The following VGLL3 variants were observed in gnomAD, a reference collection of about 807,000 sequenced individuals.
The protein encoded by VGLL3 is vestigial like family member 3, also known as transcription cofactor vestigial-like protein 3.
In VGLL3, 18 loss-of-function variants were observed where a neutral mutation model predicts 29.2. The observed-to-expected ratio is 0.62, with a 90% CI of 0.43 to 0.91. The LOEUF is 0.91. VGLL3 is among the 40% of genes least tolerant of loss of function. The pLI, the probability that VGLL3 is intolerant of heterozygous loss-of-function variation, is 0.00. For missense variants in VGLL3, 440 were observed against 413.2 expected, an observed-to-expected ratio of 1.06 and a Z score of -0.56; for synonymous variants, 180 against 151.8, an observed-to-expected ratio of 1.19 and a Z score of -1.36.
chr3:86,976,051 T>C (rs1575875557), intron 2 of VGLL3, among the ~76,000 whole-genome samples: 1 of 151,774 alleles, frequency 6.6e-6, no homozygotes, highest in African/African-American at 2.4e-5. Context: ...GAGGCGGAGG[T>C]TGCAGTGAGC....
chr3:86,972,876 A>G (rs1312448427), intron 2 of VGLL3, among the ~76,000 whole-genome samples: 2 of 152,040 alleles, frequency 1.3e-5, no homozygotes, highest in Non-Finnish European at 2.9e-5. Context: ...TATTACTCAC[A>G]CATACATACA....
At chr3:86,953,725 C>T (rs1419769061) in intron 3 of VGLL3, among the ~76,000 whole-genome samples, 4 of 151,904 alleles carry the variant, frequency 2.6e-5, no homozygotes, top group African/African-American at 9.7e-5. Flanking sequence ...TAACTCTGGC[C>T]ACATGTTTAT....
intron 3 of VGLL3, chr3:86,962,682 A>G: frequency 1.2e-6 from 1 of 842,388 alleles, no homozygotes; most frequent in Non-Finnish European, 1.4e-6. Context: ...TTCTACTCCT[A>G]GATATATTTC....
chr3:86,972,383 T>TA lies in VGLL3; in HGVS notation c.404-3261dup, dbSNP rs1293372621. Reference sequence around the variant, plus strand: ...GTTTGCAAAGATCTATGCAGCCCTTTAAAAAAAACCTGTTACATTTACAAT... The same window carrying TA: ...GTTTGCAAAGATCTATGCAGCCCTTTAAAAAAAAACCTGTTACATTTACAAT... On this transcript the variant is annotated intron_variant, in intron 2 of 3. Coordinates refer to ENST00000398399, the MANE Select transcript of VGLL3 (RefSeq NM_016206.4). 4.6e-5 allele frequency among the ~76,000 whole-genome samples: 7 copies of TA among 151,994 alleles called. No individual in the cohort carries two copies. In the South Asian group the frequency reaches 6.2e-4, roughly 13 times the overall value.
chr3:86,967,240 G>T (rs577160563), intron 3 of VGLL3, among the ~76,000 whole-genome samples: 3 of 152,262 alleles, frequency 2.0e-5, no homozygotes, highest in East Asian at 3.9e-4. Context: ...GAAGGCAGCT[G>T]CCAAATTGGG....
intron 3 of VGLL3, among the ~76,000 whole-genome samples, chr3:86,953,271 T>C (rs765616034): frequency 6.6e-6 from 1 of 152,186 alleles, no homozygotes; most frequent in Non-Finnish European, 1.5e-5. Context: ...ACCACTTGCC[T>C]ATTTCATCAG....
chr3:86,967,214 G>A (rs1250750626), intron 3 of VGLL3, among the ~76,000 whole-genome samples: 2 of 152,110 alleles, frequency 1.3e-5, no homozygotes, highest in Admixed American at 6.5e-5. Flanking sequence ...AGAGCCTCCT[G>A]AGACCTGCTG....
chr3:86,964,898 G>T (rs114930530), intron 3 of VGLL3, among the ~76,000 whole-genome samples: 1 of 152,076 alleles, frequency 6.6e-6, no homozygotes, highest in Non-Finnish European at 1.5e-5. Flanking sequence ...AGTGGCTCAC[G>T]CCTGTAATCC....
chr3:86,974,354 G>C (rs1705165615), intron 2 of VGLL3, among the ~76,000 whole-genome samples: 2 of 151,948 alleles, frequency 1.3e-5, no homozygotes, highest in Admixed American at 1.3e-4. Flanking sequence ...CCTGACCTCA[G>C]GTGAACTGCC....
chr3:86,986,435 C>A (rs974517411), intron 1 of VGLL3, among the ~76,000 whole-genome samples: 3 of 152,094 alleles, frequency 2.0e-5, no homozygotes, highest in Admixed American at 2.0e-4. Context: ...AATTTTTCCT[C>A]CAGCTTTGAA....
chr3:86,989,636 T>C (rs1386322921), intron 1 of VGLL3, among the ~76,000 whole-genome samples: 1 of 152,196 alleles, frequency 6.6e-6, no homozygotes, highest in African/African-American at 2.4e-5. Context: ...ATTCTATGGA[T>C]GGTAATTTCC....
intron 1 of VGLL3, among the ~76,000 whole-genome samples, chr3:86,989,046 G>T (rs994900639): frequency 1.3e-5 from 2 of 152,028 alleles, no homozygotes; most frequent in Admixed American, 6.6e-5. Context: ...TTGGCAATTT[G>T]CCATTTTCTC....
At chr3:86,965,272 T>A (rs547545618) in intron 3 of VGLL3, among the ~76,000 whole-genome samples, 1 of 152,364 alleles carries the variant, frequency 6.6e-6, no homozygotes, top group South Asian at 2.1e-4. Flanking sequence ...TATATTTTAA[T>A]GGTCCCGGTC....
chr3:86,968,327 A>T (rs1312747016), intron 3 of VGLL3, among the ~76,000 whole-genome samples: 1 of 152,188 alleles, frequency 6.6e-6, no homozygotes, highest in East Asian at 1.9e-4. Context: ...AACAGAAGGT[A>T]CCAGAGATTC....
Position 86,945,214 on chromosome 3 carries a change from A to G in VGLL3, c.*1810T>C, listed in dbSNP as rs1704481051. 1 of 152,196 alleles carries G rather than the reference A, an allele frequency of 6.6e-6. No homozygotes were observed. Among genetic ancestry groups the G allele is most frequent in the South Asian group, 2.1e-4 (1 of 4,830 alleles). 9.4% of individuals were successfully genotyped at this position (152,196 alleles called of 1,614,324 possible). ...AAGTGCGGAGTGATGAGAGTACAAA[A>G]GAGTATATAGATCTGAAGCTCAAAA... is the stretch of plus-strand genomic sequence containing the variant. On this transcript the variant is annotated 3_prime_UTR_variant, in exon 4 of 4. Coordinates refer to ENST00000398399, the MANE Select transcript of VGLL3 (RefSeq NM_016206.4).
At chr3:86,986,752 C>A (rs2107074271) in intron 1 of VGLL3, among the ~76,000 whole-genome samples, 1 of 152,174 alleles carries the variant, frequency 6.6e-6, no homozygotes, top group South Asian at 2.1e-4. Context: ...CTGCTAATAC[C>A]ACTTCCTGTA....
At chr3:86,982,138 T>C (rs1301768181) in intron 1 of VGLL3, among the ~76,000 whole-genome samples, 2 of 152,094 alleles carry the variant, frequency 1.3e-5, no homozygotes, top group Non-Finnish European at 2.9e-5. Flanking sequence ...ATCAATTTAT[T>C]GCTTTTTTTA....
chr3:86,986,699 T>A (rs1172049194), intron 1 of VGLL3, among the ~76,000 whole-genome samples: 1 of 152,212 alleles, frequency 6.6e-6, no homozygotes, highest in Non-Finnish European at 1.5e-5. Context: ...TCTTAATGAA[T>A]CTAAACTTAT....
intron 2 of VGLL3, among the ~76,000 whole-genome samples, chr3:86,971,142 T>C (rs1297771569): frequency 1.3e-5 from 2 of 152,176 alleles, no homozygotes; most frequent in African/African-American, 2.4e-5. Context: ...AATAAGAATA[T>C]TCAAAACTCT....
Sources: allele counts gnomAD v4.1 joint callset (sites outside exome capture counted in the v4.1 genomes callset), GRCh38; gene constraint gnomAD v4.1.1; transcripts MANE v1.5; gene names NCBI Gene and HGNC (gene_info 2026-07-23, HGNC 2026-07-21).